The following SDK2 variants were observed in gnomAD, a reference collection of about 807,000 sequenced individuals.
SDK2 encodes protein sidekick-2.
A neutral mutation model predicts 253.9 loss-of-function variants in SDK2; 105 were observed. The observed-to-expected ratio is 0.41, with a 90% CI of 0.35 to 0.49. The LOEUF (loss-of-function observed/expected upper bound fraction) is 0.49, where lower values mean the gene tolerates loss of function less well. Among genes scored for constraint, SDK2 ranks in the 20% least tolerant of loss-of-function variants. The pLI, the probability that SDK2 is intolerant of heterozygous loss-of-function variation, is 0.06. For missense variants in SDK2, 2,608 were observed against 3,003.0 expected (o/e 0.87, Z 3.07); for synonymous variants, 1,249 against 1,234.9 (o/e 1.01, Z -0.24).
At chr17:73,385,945 C>T in intron 31 of SDK2, 28 bp from the exon 32 acceptor site, 5 of 1,549,234 alleles carry the variant, frequency 3.2e-6, no homozygotes, top group Non-Finnish European at 4.4e-6. Context: ...CAGGTGGGTT[C>T]TGGGGGCCGC....
At chr17:73,513,503 G>A (rs1179421377) in intron 1 of SDK2, 2 of 152,184 alleles carry the variant, frequency 1.3e-5, no homozygotes, top group Admixed American at 6.5e-5. Flanking sequence ...ACAGCTTTGC[G>A]GGACTGTAGC....
rs966532062 is a variant in SDK2 at position 73,612,031 on chromosome 17, C to T, written c.64+31994G>A. 6.6e-5 allele frequency among the ~76,000 whole-genome samples: 10 copies of T among 152,284 alleles called. No individual in the cohort carries two copies. The highest frequency in any genetic ancestry group is 1.9e-4 in the East Asian group (1 of 5,188). Reference sequence around the variant, plus strand: ...GAGGGAGCCCACATTACCCATCAGCCGCCAGGGAAGTCTCCCCACAGTACA... The same window carrying T: ...GAGGGAGCCCACATTACCCATCAGCTGCCAGGGAAGTCTCCCCACAGTACA... On this transcript the variant is annotated intron_variant, in intron 1 of 44. Transcript: ENST00000392650. The surrounding 1 kb of genome is among the most constrained non-coding windows in gnomAD (Gnocchi z 4.4).
Position 73,338,432 on chromosome 17 carries a change from C to T in SDK2, c.*155G>A, listed in dbSNP as rs954660091. 6 of 703,500 alleles carry T rather than the reference C, an allele frequency of 8.5e-6. No homozygotes were observed. The highest frequency in any genetic ancestry group is 1.3e-5 in the Non-Finnish European group (5 of 389,608). 43.6% of individuals were successfully genotyped at this position (703,500 alleles called of 1,614,324 possible). ...CGGTTTTCTCCCTCCTTCTGAACGC[C>T]GGCTTTGCTGGCCCTGGAATCTCTG... On this transcript the variant is annotated 3_prime_UTR_variant, in exon 45 of 45. Coordinates refer to ENST00000392650, the MANE Select transcript of SDK2 (RefSeq NM_001144952.2). The surrounding 1 kb of genome is among the most constrained non-coding windows in gnomAD (Gnocchi z 5.0).
At chr17:73,597,565 C>T (rs1447491502) in intron 1 of SDK2, among the ~76,000 whole-genome samples, 1 of 152,056 alleles carries the variant, frequency 6.6e-6, no homozygotes, top group Non-Finnish European at 1.5e-5. Context: ...AGGCTTCTGC[C>T]GATCCTGCCC....
intron 1 of SDK2, among the ~76,000 whole-genome samples, chr17:73,617,493 G>T (rs1439845542): frequency 2.6e-5 from 4 of 152,212 alleles, no homozygotes; most frequent in African/African-American, 9.6e-5. Flanking sequence ...CAGCCAAGGT[G>T]GGGAGGAGGG....
intron 1 of SDK2, among the ~76,000 whole-genome samples, chr17:73,545,099 G>GCACACACACACACACA (rs58966207): frequency 0.02 from 2,925 of 145,736 alleles, 58 homozygotes; most frequent in African/African-American, 0.044. Flanking sequence ...GCACGTGCAC[G>GCACACACACACACACA]CACACACACA....
At chr17:73,341,755 C>T (rs573857058) in intron 44 of SDK2, among the ~76,000 whole-genome samples, 2 of 152,284 alleles carry the variant, frequency 1.3e-5, no homozygotes, top group South Asian at 2.1e-4. Context: ...CATGGGGATA[C>T]ATCTCGAGGG....
chr17:73,429,518 T>C (rs2063309130), intron 12 of SDK2, among the ~76,000 whole-genome samples: 1 of 152,018 alleles, frequency 6.6e-6, no homozygotes, highest in Non-Finnish European at 1.5e-5. Flanking sequence ...CGGAGTCTCA[T>C]TTGGGGGTGG....
intron 1 of SDK2, among the ~76,000 whole-genome samples, chr17:73,585,721 T>A (rs1308800188): frequency 6.6e-6 from 1 of 152,100 alleles, no homozygotes; most frequent in Non-Finnish European, 1.5e-5. Context: ...CCCCACACTG[T>A]GAATGCAGCT....
intron 1 of SDK2, among the ~76,000 whole-genome samples, chr17:73,556,846 A>G (rs1484928804): frequency 6.6e-6 from 1 of 152,174 alleles, no homozygotes; most frequent in Non-Finnish European, 1.5e-5. Context: ...TCTCTTCTGT[A>G]AAATGGGGGT....
At chr17:73,453,297 G>A (rs2063501272) in intron 4 of SDK2, among the ~76,000 whole-genome samples, 1 of 151,708 alleles carries the variant, frequency 6.6e-6, no homozygotes, top group Non-Finnish European at 1.5e-5. Flanking sequence ...ACCCAGCCAA[G>A]CCCAGCCTAA....
In SDK2 at chr17:73,380,966, GC is replaced by G; in HGVS notation, c.4706-17del. 1 of 1,381,456 alleles carries G rather than the reference GC, an allele frequency of 7.2e-7. No individual in the cohort carries two copies. Among genetic ancestry groups the G allele is most frequent in the Non-Finnish European group, 1.0e-6 (1 of 993,506 alleles). 85.6% of individuals were successfully genotyped at this position (1,381,456 alleles called of 1,614,324 possible). A position where few individuals can be genotyped will look rare whatever the true frequency, so the allele number is the denominator to read the frequency against. On this transcript the variant is annotated splice_polypyrimidine_tract_variant and intron_variant, in intron 33 of 44. Transcript: ENST00000392650. ...GAGTACATGGCTATGGGGTGGGGGT[GC>G]CGGGGCGGGGGCGCAGAGGGAGACA... is the stretch of plus-strand genomic sequence containing the variant.
intron 24 of SDK2, 38 bp downstream of exon 24, chr17:73,397,997 A>G: frequency 6.2e-7 from 1 of 1,602,096 alleles, no homozygotes. Context: ...CCAGAAGCTC[A>G]TGGAGAGGTC....
intron 1 of SDK2, among the ~76,000 whole-genome samples, chr17:73,601,781 T>C (rs1165346157): frequency 6.6e-6 from 1 of 152,164 alleles, no homozygotes; most frequent in African/African-American, 2.4e-5. Context: ...TCCTGCTTTT[T>C]CGCCCAGGCT....
At chr17:73,368,712 G>A (rs947944923) in intron 36 of SDK2, 119 bp from the exon 37 acceptor site, 50 of 921,064 alleles carry the variant, frequency 5.4e-5, no homozygotes, top group East Asian at 1.7e-4. Flanking sequence ...GGGAAACAGC[G>A]GAGAAGTCTT....
chr17:73,432,147 G>A (rs1230324708), intron 10 of SDK2, among the ~76,000 whole-genome samples: 2 of 152,000 alleles, frequency 1.3e-5, no homozygotes, highest in Non-Finnish European at 2.9e-5. Context: ...CTGGAGTGGG[G>A]GTGGGGTAGA....
chr17:73,478,387 C>T (rs142765377), intron 2 of SDK2, among the ~76,000 whole-genome samples: 176 of 152,182 alleles, frequency 1.2e-3, no homozygotes, highest in African/African-American at 4.0e-3. Flanking sequence ...AAGCAGCAGG[C>T]GGTAGAGAGA....
intron 1 of SDK2, among the ~76,000 whole-genome samples, chr17:73,528,948 A>G (rs577768019): frequency 6.6e-6 from 1 of 152,152 alleles, no homozygotes; most frequent in Non-Finnish European, 1.5e-5. Context: ...GCCATCCTTG[A>G]GGTCCCTGAG....
At chr17:73,342,415 G>A (rs910853030) in intron 44 of SDK2, among the ~76,000 whole-genome samples, 14 of 152,300 alleles carry the variant, frequency 9.2e-5, no homozygotes, top group African/African-American at 3.1e-4. Flanking sequence ...TCCATATGCC[G>A]AGCGGGGGCA....
Sources: gnomAD v4.1 joint callset for allele counts (sites outside exome capture counted in the v4.1 genomes callset) on GRCh38, gnomAD v4.1.1 for gene constraint, Gnocchi (gnomAD v3.1) non-coding constraint, MANE v1.5 for transcripts, NCBI Gene and HGNC (gene_info 2026-07-23, HGNC 2026-07-21) for gene names.